Variants in CACNA2D3 observed in about 807,000 individuals in gnomAD.
CACNA2D3 encodes the protein voltage-dependent calcium channel subunit alpha-2/delta-3.
In CACNA2D3, 60 loss-of-function variants were observed where a neutral mutation model predicts 160.6. That is an observed-to-expected ratio of 0.37 (90% CI 0.30 to 0.46). The LOEUF (loss-of-function observed/expected upper bound fraction) is 0.46. CACNA2D3 is among the 20% of genes least tolerant of loss of function. CACNA2D3 has a pLI of 1.00. For missense variants in CACNA2D3, 1,205 were observed against 1,365.0 expected (o/e 0.88, Z 1.85); for synonymous variants, 558 against 492.9 (o/e 1.13, Z -1.75).
At chr3:54,990,342 C>T (rs756923460) in intron 31 of CACNA2D3, among the ~76,000 whole-genome samples, 1 of 152,134 alleles carries the variant, frequency 6.6e-6, no homozygotes, top group Non-Finnish European at 1.5e-5. Flanking sequence ...ACCAGCCTGG[C>T]CAACAAGGTG....
At chr3:54,383,435 T>C (rs1157272544) in intron 3 of CACNA2D3, among the ~76,000 whole-genome samples, 1 of 152,148 alleles carries the variant, frequency 6.6e-6, no homozygotes, top group African/African-American at 2.4e-5. Flanking sequence ...TTCAAAGAGC[T>C]CCCTTCTGGG....
At chr3:54,513,076 C>G (rs1442332103) in intron 5 of CACNA2D3, among the ~76,000 whole-genome samples, 4 of 152,108 alleles carry the variant, frequency 2.6e-5, no homozygotes, top group Non-Finnish European at 4.4e-5. Context: ...CCCCAGGTCC[C>G]TCCCACAACA....
At chr3:54,373,324 A>G (rs1395906820) in intron 3 of CACNA2D3, among the ~76,000 whole-genome samples, 1 of 152,190 alleles carries the variant, frequency 6.6e-6, no homozygotes, top group Non-Finnish European at 1.5e-5. Context: ...AGAAGTAAAT[A>G]AGCCCGCTTG....
intron 4 of CACNA2D3, among the ~76,000 whole-genome samples, chr3:54,489,096 G>C (rs1470492777): frequency 6.6e-6 from 1 of 152,186 alleles, no homozygotes; most frequent in Non-Finnish European, 1.5e-5. Flanking sequence ...TGGGGAGGTG[G>C]TGCTGGTGTG....
intron 9 of CACNA2D3, among the ~76,000 whole-genome samples, chr3:54,592,986 G>A (rs535262340): frequency 6.6e-6 from 1 of 152,298 alleles, no homozygotes; most frequent in African/African-American, 2.4e-5. Flanking sequence ...ACTGGGGTGA[G>A]GGGTATGTTA....
At chr3:54,140,966 C>T (rs1699914565) in intron 2 of CACNA2D3, among the ~76,000 whole-genome samples, 2 of 152,132 alleles carry the variant, frequency 1.3e-5, no homozygotes, top group Non-Finnish European at 2.9e-5. Flanking sequence ...GCCTGGTCCT[C>T]AGCCATGACT....
intron 27 of CACNA2D3, among the ~76,000 whole-genome samples, chr3:54,929,861 C>A (rs1382595749): frequency 6.6e-6 from 1 of 152,134 alleles, no homozygotes; most frequent in Non-Finnish European, 1.5e-5. Context: ...CATTAGCATT[C>A]AATCATTAAT....
chr3:54,974,007 G>T (rs1010520321), intron 29 of CACNA2D3, among the ~76,000 whole-genome samples: 1 of 152,024 alleles, frequency 6.6e-6, no homozygotes, highest in Admixed American at 6.6e-5. Flanking sequence ...CCCCACAAAT[G>T]AAGACAACAG....
At chr3:54,972,513 G>T (rs912581423) in intron 29 of CACNA2D3, among the ~76,000 whole-genome samples, 2 of 152,068 alleles carry the variant, frequency 1.3e-5, no homozygotes, top group Admixed American at 6.5e-5. Flanking sequence ...GAATGATCAG[G>T]TCTCCATTAA....
chr3:54,798,978 G>A (rs962531116), intron 13 of CACNA2D3, among the ~76,000 whole-genome samples: 1 of 152,120 alleles, frequency 6.6e-6, no homozygotes, highest in South Asian at 2.1e-4. Context: ...AAAAATGATA[G>A]AGTAATTTAT....
At chr3:54,987,849 T>C (rs2107108741) in intron 31 of CACNA2D3, 96 bp downstream of exon 31, 2 of 835,606 alleles carry the variant, frequency 2.4e-6, no homozygotes, top group Admixed American at 3.3e-5. Flanking sequence ...GACTTGACCC[T>C]GTGGCTGGTT....
intron 4 of CACNA2D3, among the ~76,000 whole-genome samples, chr3:54,471,861 AATCC>A (rs1700737925): frequency 2.0e-5 from 3 of 152,336 alleles, no homozygotes; most frequent in Admixed American, 6.5e-5. Flanking sequence ...GAAGAAGTCG[AATCC>A]CTAAACAGAG....
intron 2 of CACNA2D3, among the ~76,000 whole-genome samples, chr3:54,175,355 G>C (rs1380869945): frequency 6.6e-6 from 1 of 152,036 alleles, no homozygotes; most frequent in Non-Finnish European, 1.5e-5. Flanking sequence ...GGTGGTTTAC[G>C]CCTGTAATCC....
At position 54,142,963 on chromosome 3, in the gene CACNA2D3, G is replaced by C. The variant is rs139855889; in HGVS notation, c.204+19369G>C. On this transcript the variant is annotated intron_variant, in intron 2 of 37. Transcript: ENST00000474759. ...GTATAAGCCATCCCTCTCCCTGAGTGTGTACAAGTACAACAACCCTGAGTG... is the reference window on the plus strand; with the variant it reads ...GTATAAGCCATCCCTCTCCCTGAGTCTGTACAAGTACAACAACCCTGAGTG... 3.2e-3 allele frequency among the ~76,000 whole-genome samples: 490 copies of C among 152,336 alleles called. 4 individuals carry two copies. The highest frequency in any genetic ancestry group is 0.019 in the South Asian group (92 of 4,824).
intron 27 of CACNA2D3, among the ~76,000 whole-genome samples, chr3:54,923,750 CT>C (rs1700922702): frequency 6.6e-6 from 1 of 152,178 alleles, no homozygotes; most frequent in Non-Finnish European, 1.5e-5. Context: ...AAAGCCATGC[CT>C]TCTGTTCTCA....
intron 11 of CACNA2D3, among the ~76,000 whole-genome samples, chr3:54,749,376 G>A (rs1701816018): frequency 1.3e-5 from 2 of 152,136 alleles, no homozygotes; most frequent in African/African-American, 4.8e-5. Flanking sequence ...AGTAATGAAG[G>A]TGAACATCCT....
At chr3:54,712,015 A>G (rs1272041527) in intron 11 of CACNA2D3, among the ~76,000 whole-genome samples, 1 of 152,194 alleles carries the variant, frequency 6.6e-6, no homozygotes, top group African/African-American at 2.4e-5. Context: ...AGGAGCTGCC[A>G]TGGGGAGAAG....
chr3:54,868,733 T>TTCTG (rs1699459493), intron 17 of CACNA2D3, among the ~76,000 whole-genome samples: 1 of 152,200 alleles, frequency 6.6e-6, no homozygotes, highest in African/African-American at 2.4e-5. Flanking sequence ...AACAAACAGC[T>TTCTG]TCTGTCTGCC....
chr3:54,220,741 G>A (rs1039614828), intron 2 of CACNA2D3, among the ~76,000 whole-genome samples: 3 of 152,214 alleles, frequency 2.0e-5, no homozygotes, highest in Non-Finnish European at 2.9e-5. Context: ...GGTTACAACC[G>A]TGACACGTTT....
Sources: gnomAD v4.1 joint callset for allele counts (sites outside exome capture counted in the v4.1 genomes callset) on GRCh38, gnomAD v4.1.1 for gene constraint, MANE v1.5 for transcripts, NCBI Gene and HGNC (gene_info 2026-07-23, HGNC 2026-07-21) for gene names.